CLASP1: variants seen among roughly 807,000 people sequenced by gnomAD.
The protein encoded by CLASP1 is CLIP-associating protein 1.
In CLASP1, 38 loss-of-function variants were observed where a neutral mutation model predicts 192.3. The observed-to-expected ratio is 0.20, with a 90% confidence interval of 0.15 to 0.26. The LOEUF (loss-of-function observed/expected upper bound fraction) is 0.26. Among genes scored for constraint, CLASP1 ranks in the 10% least tolerant of loss-of-function variants. The pLI is 1.00. For missense variants in CLASP1, 1,433 were observed against 1,932.5 expected (o/e 0.74, Z 4.85); for synonymous variants, 691 against 712.8 (o/e 0.97, Z 0.49).
chr2:121,490,087 T>C (rs557207224), intron 8 of CLASP1, among the ~76,000 whole-genome samples: 30 of 152,302 alleles, frequency 2.0e-4, no homozygotes, highest in East Asian at 7.7e-4. Flanking sequence ...AAGGTTAACA[T>C]TGATGTTTAT....
chr2:121,519,099 G>A (rs1423784746), intron 6 of CLASP1, among the ~76,000 whole-genome samples: 1 of 152,138 alleles, frequency 6.6e-6, no homozygotes, highest in Non-Finnish European at 1.5e-5. Flanking sequence ...AAAATTACTA[G>A]CTTTAGAGTC....
intron 8 of CLASP1, among the ~76,000 whole-genome samples, chr2:121,484,926 T>A (rs2092866348): frequency 1.3e-5 from 2 of 152,162 alleles, no homozygotes; most frequent in African/African-American, 4.8e-5. Context: ...ACAGTATGAA[T>A]AAAACATTCA....
intron 37 of CLASP1, among the ~76,000 whole-genome samples, chr2:121,352,954 G>A (rs1558835548): frequency 6.6e-6 from 1 of 152,140 alleles, no homozygotes; most frequent in Non-Finnish European, 1.5e-5. Context: ...AGCCTAAAAT[G>A]AGGATTTTAA....
intron 8 of CLASP1, among the ~76,000 whole-genome samples, chr2:121,501,428 G>A (rs2150237792): frequency 6.6e-6 from 1 of 152,234 alleles, no homozygotes; most frequent in Middle Eastern, 3.4e-3. Context: ...GTTTTTAAAA[G>A]CTGAAAGTAT....
chr2:121,496,712 CGA>C (rs961963840), intron 8 of CLASP1, among the ~76,000 whole-genome samples: 4 of 152,048 alleles, frequency 2.6e-5, no homozygotes, highest in African/African-American at 9.7e-5. Context: ...AGTCCAATGC[CGA>C]GATAGGTATT....
rs567890499 is a variant in CLASP1 at position 121,562,456 on chromosome 2, C to G, written c.196-32131G>C. Among the ~76,000 whole-genome samples the G allele has an allele frequency of 2.0e-4, 30 of 152,254 alleles. No homozygotes were observed. The East Asian group carries it at 3.9e-3, about 20-fold the overall frequency. On this transcript the variant is annotated intron_variant, in intron 2 of 39. Transcript: ENST00000263710. ...CTGAATTCTGTCTTTACTGATTTAT[C>G]TAGTCATCCAGCAAAGAACAAATCA...
chr2:121,398,270 T>G, intron 29 of CLASP1, 52 bp downstream of exon 30: 5 of 1,363,896 alleles, frequency 3.7e-6, no homozygotes, highest in Non-Finnish European at 4.1e-6. Context: ...AAAAGTAAAT[T>G]TAAACAAATG....
intron 2 of CLASP1, among the ~76,000 whole-genome samples, chr2:121,584,396 T>C (rs534383769): frequency 6.6e-4 from 101 of 152,312 alleles, no homozygotes; most frequent in Admixed American, 1.4e-3. Context: ...TTCCATTACT[T>C]AAACAGTCAA....
intron 2 of CLASP1, among the ~76,000 whole-genome samples, chr2:121,538,277 T>C (rs1170002844): frequency 1.3e-5 from 2 of 151,836 alleles, no homozygotes; most frequent in African/African-American, 4.8e-5. Context: ...CCGGGCGTGG[T>C]GGTGCATGCC....
intron 2 of CLASP1, among the ~76,000 whole-genome samples, chr2:121,585,717 G>GTGAA (rs1437350064): frequency 2.0e-5 from 3 of 152,018 alleles, no homozygotes; most frequent in Non-Finnish European, 2.9e-5. Context: ...GGCCAACATG[G>GTGAA]TGAAACACCA....
At chr2:121,496,312 A>G (rs1040541375) in intron 8 of CLASP1, among the ~76,000 whole-genome samples, 6 of 152,234 alleles carry the variant, frequency 3.9e-5, no homozygotes, top group African/African-American at 1.2e-4. Flanking sequence ...GTGGACATGC[A>G]GTGCTAACCA....
chr2:121,428,265 T>C (rs947306387), intron 20 of CLASP1, among the ~76,000 whole-genome samples: 4 of 152,208 alleles, frequency 2.6e-5, no homozygotes, highest in African/African-American at 9.7e-5. Context: ...AATTACAGCA[T>C]TGACCTAGCT....
chr2:121,443,602 A>G (rs930370297), intron 19 of CLASP1, among the ~76,000 whole-genome samples: 8 of 152,218 alleles, frequency 5.3e-5, no homozygotes, highest in African/African-American at 1.9e-4. Flanking sequence ...TGACGTCCTC[A>G]TCAGGACAGA....
intron 8 of CLASP1, among the ~76,000 whole-genome samples, chr2:121,478,631 ACACACACACACACCCCC>A (rs1354480370): frequency 8.7e-4 from 59 of 67,980 alleles, no homozygotes; most frequent in Middle Eastern, 9.6e-3. Flanking sequence ...ACACACACAT[ACACACACACACACCCCC>A]CACACACACA....
chr2:121,482,052 C>A (rs2092636240), intron 8 of CLASP1, among the ~76,000 whole-genome samples: 1 of 152,162 alleles, frequency 6.6e-6, no homozygotes. Context: ...TCGGATGTGA[C>A]CCGTACTACG....
chr2:121,613,628 T>TAAA (rs2065976095), intron 1 of CLASP1, among the ~76,000 whole-genome samples: 1 of 75,038 alleles, frequency 1.3e-5, no homozygotes, highest in Non-Finnish European at 3.6e-5. Context: ...GCCTTTTTTT[T>TAAA]TAAAAAAAAA....
chr2:121,593,706 A>G (rs547769018), intron 2 of CLASP1, among the ~76,000 whole-genome samples: 1 of 151,200 alleles, frequency 6.6e-6, no homozygotes, highest in Admixed American at 6.6e-5. Context: ...ATCATGAAAC[A>G]GGATTAAAAA....
intron 1 of CLASP1, among the ~76,000 whole-genome samples, chr2:121,625,889 A>C (rs1214828821): frequency 6.6e-6 from 1 of 151,898 alleles, no homozygotes; most frequent in African/African-American, 2.4e-5. Context: ...CAAGAGATCA[A>C]GACGATGGAG....
intron 23 of CLASP1, among the ~76,000 whole-genome samples, chr2:121,416,792 T>G (rs2078659222): frequency 6.6e-6 from 1 of 152,222 alleles, no homozygotes; most frequent in African/African-American, 2.4e-5. Context: ...CTCCACCATT[T>G]AGCTGCATGA....
Sources: gnomAD v4.1 joint callset for allele counts (sites outside exome capture counted in the v4.1 genomes callset) on GRCh38, gnomAD v4.1.1 for gene constraint, MANE v1.5 for transcripts, NCBI Gene and HGNC (gene_info 2026-07-23, HGNC 2026-07-21) for gene names.